The following UBE2E3 variants were observed in gnomAD, a reference collection of about 807,000 sequenced individuals.
UBE2E3 encodes ubiquitin conjugating enzyme E2 E3, also known as ubiquitin-conjugating enzyme E2 E3.
Under a neutral mutation model 23.6 loss-of-function variants are expected in UBE2E3, and 5 were observed. The ratio of observed to expected loss-of-function variants is 0.21; its 90% CI spans 0.11 to 0.44. The LOEUF (loss-of-function observed/expected upper bound fraction) is 0.44, where lower values mean the gene tolerates loss of function less well. UBE2E3 is among the 20% of genes least tolerant of loss of function. The pLI is 0.99. For missense variants in UBE2E3, 81 were observed against 249.8 expected (o/e 0.32, Z 4.55); for synonymous variants, 78 against 87.5 (o/e 0.89, Z 0.60).
intron 3 of UBE2E3, among the ~76,000 whole-genome samples, chr2:181,015,854 T>A (rs1306118921): frequency 1.3e-5 from 2 of 152,008 alleles, no homozygotes; most frequent in Non-Finnish European, 2.9e-5. Context: ...CTTAAGTCAC[T>A]AGTTCAGCAA....
rs1035517103 is a variant in UBE2E3 at position 180,987,345 on chromosome 2, C to G, written c.245+3252C>G. 8.4e-6 allele frequency: 13 copies of G among 1,549,852 alleles called. No individual in the cohort carries two copies. The African/African-American group carries it at 1.1e-4, about 13-fold the overall frequency. ...TTTCCATCTGTTTCCCAGAGGGTGT[C>G]CTTGTCCTCTCCTAGTCACCACTTG... is the stretch of plus-strand genomic sequence containing the variant. On this transcript the variant is annotated intron_variant, in intron 3 of 5. Coordinates refer to ENST00000410062, the MANE Select transcript of UBE2E3 (RefSeq NM_006357.4).
intron 2 of UBE2E3, among the ~76,000 whole-genome samples, chr2:180,982,510 G>C (rs1684332205): frequency 6.6e-6 from 1 of 152,174 alleles, no homozygotes; most frequent in African/African-American, 2.4e-5. Context: ...ATTGTTTAAG[G>C]AGTTGGCAAG....
intron 3 of UBE2E3, among the ~76,000 whole-genome samples, chr2:181,008,610 C>T (rs1178690838): frequency 2.6e-5 from 4 of 152,164 alleles, no homozygotes; most frequent in Non-Finnish European, 4.4e-5. Context: ...TTAGGGGCAG[C>T]CCCAGGTTCT....
chr2:181,052,919 T>TGG (rs1358113761), intron 3 of UBE2E3, among the ~76,000 whole-genome samples: 1 of 151,806 alleles, frequency 6.6e-6, no homozygotes, highest in African/African-American at 2.4e-5. Context: ...TTACCTCCCT[T>TGG]CTATCTGGCT....
chr2:181,037,770 G>A (rs1341978540), intron 3 of UBE2E3, among the ~76,000 whole-genome samples: 4 of 151,874 alleles, frequency 2.6e-5, no homozygotes, highest in African/African-American at 9.7e-5. Flanking sequence ...GAAGTTTGAG[G>A]CCAGCCTGGG....
intron 3 of UBE2E3, among the ~76,000 whole-genome samples, chr2:181,049,293 TTGA>T (rs1686759053): frequency 1.4e-4 from 21 of 152,074 alleles, no homozygotes; most frequent in Admixed American, 1.4e-3. Context: ...CTTATAGATG[TTGA>T]TATTTAATTT....
At chr2:181,052,336 C>T (rs945224482) in intron 3 of UBE2E3, among the ~76,000 whole-genome samples, 2 of 151,470 alleles carry the variant, frequency 1.3e-5, no homozygotes, top group Non-Finnish European at 2.9e-5. Flanking sequence ...CCAGTAAAGC[C>T]CCTTCCTCAT....
intron 3 of UBE2E3, among the ~76,000 whole-genome samples, chr2:180,996,016 C>T (rs1254616967): frequency 6.6e-6 from 1 of 151,994 alleles, no homozygotes; most frequent in African/African-American, 2.4e-5. Flanking sequence ...GTCCTAGTAT[C>T]CTTTTCAGAA....
At position 180,984,145 on chromosome 2, in the gene UBE2E3, A is replaced by G. The variant is rs755688652; in HGVS notation, c.245+52A>G. On this transcript the variant is annotated intron_variant, in intron 3 of 5. Transcript: ENST00000410062. ...TTTCAAATTGTGGAAAAATACCAAG[A>G]GATTGATGTATTGTCTGGATATGTG... The G allele has an allele frequency of 4.7e-5, 70 of 1,489,404 alleles. No homozygotes were observed. The Middle Eastern group carries it at 5.5e-3, about 118-fold the overall frequency. 92.3% of individuals were successfully genotyped at this position (1,489,404 alleles called of 1,614,324 possible). A position where few individuals can be genotyped will look rare whatever the true frequency, so the allele number is the denominator to read the frequency against.
At chr2:180,982,329 C>G (rs568740665) in intron 2 of UBE2E3, 93 bp downstream of exon 2, 3 of 1,140,008 alleles carry the variant, frequency 2.6e-6, no homozygotes, top group African/African-American at 1.5e-5. Flanking sequence ...AGCAGTAGTT[C>G]AGAAATATTT....
In UBE2E3 at chr2:181,046,093, C is replaced by T. The variant is rs142305044; in HGVS notation, c.246-11600C>T. On this transcript the variant is annotated intron_variant, in intron 3 of 5. Transcript: ENST00000410062. ...ATTTTCAGTACCCACTAGTGCCTGG[C>T]ACATGGTAGATAATCAGTAAATGTT... Among the ~76,000 whole-genome samples the T allele has an allele frequency of 2.0e-3, 300 of 152,236 alleles. 1 individual carries two copies. Among genetic ancestry groups the T allele is most frequent in the African/African-American group, 7.0e-3 (292 of 41,542 alleles).
intron 3 of UBE2E3, among the ~76,000 whole-genome samples, chr2:181,006,456 G>A (rs1018687861): frequency 2.8e-4 from 42 of 151,096 alleles, no homozygotes; most frequent in African/African-American, 9.8e-4. Flanking sequence ...AGGATGGCCA[G>A]ATAAAATACA....
intron 3 of UBE2E3, among the ~76,000 whole-genome samples, chr2:181,029,861 G>T (rs1220920000): frequency 4.1e-5 from 6 of 145,022 alleles, no homozygotes; most frequent in Non-Finnish European, 7.5e-5. Flanking sequence ...TTTTTGAGAC[G>T]GAGTCTCTCT....
intron 3 of UBE2E3, among the ~76,000 whole-genome samples, chr2:180,991,983 A>G (rs1684671870): frequency 6.6e-6 from 1 of 152,242 alleles, no homozygotes; most frequent in Admixed American, 6.5e-5. Flanking sequence ...ACAGATAGGT[A>G]GGGACTGCTC....
At chr2:181,047,338 C>T (rs1418526011) in intron 3 of UBE2E3, among the ~76,000 whole-genome samples, 1 of 152,112 alleles carries the variant, frequency 6.6e-6, no homozygotes, top group Non-Finnish European at 1.5e-5. Context: ...TAGCCTGGCT[C>T]ATCCCACCTG....
intron 3 of UBE2E3, among the ~76,000 whole-genome samples, chr2:180,988,940 A>T (rs756487448): frequency 1.1e-4 from 16 of 152,142 alleles, no homozygotes; most frequent in Non-Finnish European, 2.1e-4. Context: ...CTTTTTATAA[A>T]AATTAAATCT....
chr2:181,051,783 G>GTAAC (rs1686850572), intron 3 of UBE2E3, among the ~76,000 whole-genome samples: 1 of 151,836 alleles, frequency 6.6e-6, no homozygotes, highest in Non-Finnish European at 1.5e-5. Context: ...ACCTAATGGA[G>GTAAC]TAACCTTTTG....
intron 3 of UBE2E3, among the ~76,000 whole-genome samples, chr2:180,996,893 C>T (rs1479887272): frequency 1.3e-5 from 2 of 152,092 alleles, no homozygotes; most frequent in Non-Finnish European, 2.9e-5. Flanking sequence ...TTCCTCTAGC[C>T]CTTTAGTTTT....
intron 3 of UBE2E3, among the ~76,000 whole-genome samples, chr2:181,056,029 A>G (rs1337447742): frequency 6.6e-6 from 1 of 151,370 alleles, no homozygotes; most frequent in Non-Finnish European, 1.5e-5. Flanking sequence ...GCTCTTTGGA[A>G]AAATGTTTGA....
Sources: gnomAD v4.1 joint callset for allele counts (sites outside exome capture counted in the v4.1 genomes callset) on GRCh38, gnomAD v4.1.1 for gene constraint, MANE v1.5 for transcripts, NCBI Gene and HGNC (gene_info 2026-07-23, HGNC 2026-07-21) for gene names.